Variants in SLC7A7 observed in about 807,000 individuals in gnomAD.
The protein encoded by SLC7A7 is Y+L amino acid transporter 1.
In SLC7A7, 39 loss-of-function variants were observed where a neutral mutation model predicts 47.9. That is an observed-to-expected ratio of 0.81 (90% CI 0.63 to 1.06). The LOEUF is 1.06. SLC7A7 is among the 50% of genes least tolerant of loss of function. SLC7A7 has a pLI of 0.00. For missense variants in SLC7A7, 588 were observed against 632.0 expected (o/e 0.93, Z 0.75); for synonymous variants, 234 against 242.8 (o/e 0.96, Z 0.34).
rs1388447529 is a variant in SLC7A7 at position 22,812,963 on chromosome 14, G to C, written c.436C>G (p.Pro146Ala). The C allele has an allele frequency of 1.9e-6, 3 of 1,613,850 alleles. No individual in the cohort carries two copies. The highest frequency in any genetic ancestry group is 1.3e-5 in the African/African-American group (1 of 74,830). ...AITFANYMVQPLFPSCFAPYA... is the reference protein window; with the variant it reads ...AITFANYMVQALFPSCFAPYA... Reference sequence around the variant, plus strand: ...GGGGCGAAGCAGCTCGGGAAGAGAGGCTGTACCATGTAGTTGGCAAAGGTG... The same window carrying C: ...GGGGCGAAGCAGCTCGGGAAGAGAGCCTGTACCATGTAGTTGGCAAAGGTG... Residue 146 changes from proline to alanine, a missense_variant, in exon 2 of 10, where the codon CCT becomes GCT. Coordinates refer to ENST00000674313, the MANE Select transcript of SLC7A7 (RefSeq NM_003982.4).
At chr14:22,777,161 A>AG (rs1324160704) in intron 4 of SLC7A7, among the ~76,000 whole-genome samples, 3 of 151,282 alleles carry the variant, frequency 2.0e-5, no homozygotes, top group Non-Finnish European at 3.0e-5. Context: ...AAAAAAAAAA[A>AG]AAAAAGCAGG....
intron 2 of SLC7A7, among the ~76,000 whole-genome samples, chr14:22,795,396 TTCTTTCTTTCTTTC>T (rs1318085639): frequency 1.4e-5 from 1 of 69,390 alleles, no homozygotes; most frequent in African/African-American, 6.2e-5. Flanking sequence ...CTTTCTTTCT[TTCTTTCTTTCTTTC>T]TTTCTTTCTT....
In SLC7A7 at chr14:22,779,321, C is replaced by G. The variant is rs543240300; in HGVS notation, c.626-384G>C. Among the ~76,000 whole-genome samples, 5 of 152,324 alleles carry G rather than the reference C, an allele frequency of 3.3e-5. No homozygotes were observed. In the East Asian group the frequency reaches 5.8e-4, roughly 18 times the overall value. ...CAGCTCCCAGGGCATGGCTGTCAAC[C>G]CTTTGCCAAGATCAGCCTCCTCTGG... is the stretch of plus-strand genomic sequence containing the variant. On this transcript the variant is annotated intron_variant, in intron 3 of 9. Transcript: ENST00000674313.
rs74701157 is a variant in SLC7A7 at position 22,791,848 on chromosome 14, T to A, written c.500-11797A>T. Among the ~76,000 whole-genome samples, 177 of 137,864 alleles carry A rather than the reference T, an allele frequency of 1.3e-3. 4 individuals carry two copies. Among genetic ancestry groups the A allele is most frequent in the Non-Finnish European group, 1.1e-3 (73 of 64,390 alleles). The allele number at this position is 137,864 out of a possible 152,430, so 90.4% of individuals were successfully genotyped here. A position where few individuals can be genotyped will look rare whatever the true frequency, so the allele number is the denominator to read the frequency against. On this transcript the variant is annotated intron_variant, in intron 2 of 9. Transcript: ENST00000674313. ...CTCTACACCTTTTTTTTTTTTTTTT[T>A]AATTGAGATGGAGTCTCGCTCTGTC... is the stretch of plus-strand genomic sequence containing the variant.
intron 2 of SLC7A7, among the ~76,000 whole-genome samples, chr14:22,808,102 G>A (rs755351690): frequency 2.6e-4 from 39 of 151,508 alleles, no homozygotes; most frequent in Admixed American, 5.3e-4. Flanking sequence ...TGGAGGTTGC[G>A]TGAGTGAGGC....
intron 2 of SLC7A7, among the ~76,000 whole-genome samples, chr14:22,784,627 A>G (rs924703552): frequency 2.0e-5 from 3 of 152,052 alleles, no homozygotes; most frequent in African/African-American, 7.2e-5. Context: ...AAAAAAAAAA[A>G]AGAGAAGTCA....
chr14:22,782,470 T>C (rs1436037826), intron 2 of SLC7A7, among the ~76,000 whole-genome samples: 1 of 150,890 alleles, frequency 6.6e-6, no homozygotes, highest in Non-Finnish European at 1.5e-5. Flanking sequence ...ATTTATTTTA[T>C]TTATTTTTTG....
At chr14:22,806,118 CAAA>C (rs753674829) in intron 2 of SLC7A7, among the ~76,000 whole-genome samples, 2 of 66,224 alleles carry the variant, frequency 3.0e-5, no homozygotes, top group Non-Finnish European at 5.0e-5. Flanking sequence ...GACTCTGTCT[CAAA>C]AAAAAAAAAA....
At chr14:22,818,605 T>TG (rs1201741148), upstream of SLC7A7, among the ~76,000 whole-genome samples, 13 of 131,616 alleles carry the variant, frequency 9.9e-5, no homozygotes, top group Admixed American at 3.7e-4. Flanking sequence ...TTTTGGTTTT[T>TG]GGGTTTTTTT....
chr14:22,775,747 CAAGT>C, intron 6 of SLC7A7, 82 bp downstream of exon 6: 6 of 1,052,740 alleles, frequency 5.7e-6, no homozygotes, highest in East Asian at 2.4e-5. Context: ...TTGGAGAACA[CAAGT>C]AATCAAAGGC....
chr14:22,788,478 GCA>G (rs2038859616), intron 2 of SLC7A7, among the ~76,000 whole-genome samples: 1 of 152,034 alleles, frequency 6.6e-6, no homozygotes, highest in Non-Finnish European at 1.5e-5. Context: ...GCCAAGGCGG[GCA>G]GATCACAAAG....
chr14:22,798,837 A>C (rs1303042635), intron 2 of SLC7A7, among the ~76,000 whole-genome samples: 2 of 152,128 alleles, frequency 1.3e-5, no homozygotes, highest in Non-Finnish European at 2.9e-5. Context: ...TAGCTCCTCC[A>C]GAAAGGCTAT....
chr14:22,791,483 T>C (rs4605074), intron 2 of SLC7A7, among the ~76,000 whole-genome samples: 145,718 of 152,194 alleles, frequency 0.96, 70,046 homozygotes, highest in East Asian at 1. Flanking sequence ...CCACAGCAAT[T>C]AGCAGAAGGA....
chr14:22,790,668 C>A (rs2038908144), intron 2 of SLC7A7, among the ~76,000 whole-genome samples: 1 of 152,038 alleles, frequency 6.6e-6, no homozygotes, highest in Non-Finnish European at 1.5e-5. Context: ...AATCAAATAT[C>A]GCTGATGCCT....
intron 7 of SLC7A7, 145 bp from the exon 8 acceptor site, chr14:22,774,648 A>G: frequency 9.8e-7 from 1 of 1,024,008 alleles, no homozygotes; most frequent in Non-Finnish European, 1.5e-6. Context: ...TTAACACCCT[A>G]GTTTCAGTAC....
At chr14:22,792,623 G>A (rs1486962343) in intron 2 of SLC7A7, among the ~76,000 whole-genome samples, 2 of 152,080 alleles carry the variant, frequency 1.3e-5, no homozygotes, top group Non-Finnish European at 1.5e-5. Flanking sequence ...TTGGGAAGCC[G>A]AAGTGGGCGG....
At chr14:22,793,826 A>C (rs996820371) in intron 2 of SLC7A7, among the ~76,000 whole-genome samples, 4 of 152,060 alleles carry the variant, frequency 2.6e-5, no homozygotes, top group African/African-American at 9.7e-5. Context: ...GAAAAAAAAA[A>C]AGAAATTATG....
rs1758292589 is a variant in SLC7A7, at chr14:22,774,086, G to A, written c.1276C>T (p.Leu426Phe). The A allele has an allele frequency of 6.2e-7, 1 of 1,614,058 alleles. No homozygotes were observed. Among genetic ancestry groups the A allele is most frequent in the Non-Finnish European group, 8.5e-7 (1 of 1,180,052 alleles). The change falls in exon 9 of 10, where the codon CTC becomes TTC. Residue 426 changes from leucine to phenylalanine, a missense_variant. Transcript: ENST00000674313. ...LSVFFPIVFC[L>F]CTIFLVAVPL... The stretch of plus-strand genomic sequence containing the variant: ...ACAGCCACCAGGAAGATGGTGCAGA[G>A]GCAGAAGACAATCGGGAAGAAAACG...
At chr14:22,799,875 C>T (rs2039082951) in intron 2 of SLC7A7, among the ~76,000 whole-genome samples, 1 of 152,172 alleles carries the variant, frequency 6.6e-6, no homozygotes, top group Non-Finnish European at 1.5e-5. Context: ...TTACCAGGCA[C>T]ATCAAACTCA....
Sources: gnomAD v4.1 joint callset for allele counts (sites outside exome capture counted in the v4.1 genomes callset) on GRCh38, gnomAD v4.1.1 for gene constraint, MANE v1.5 for transcripts, NCBI Gene and HGNC (gene_info 2026-07-23, HGNC 2026-07-21) for gene names.